The following SNTB2 variants were observed in gnomAD, a reference collection of about 807,000 sequenced individuals.
SNTB2 encodes beta-2-syntrophin.
In SNTB2, 34 loss-of-function variants were observed where a neutral mutation model predicts 46.2. The observed-to-expected ratio is 0.74, with a 90% CI of 0.56 to 0.98. The LOEUF is 0.98. SNTB2 is among the 50% of genes least tolerant of loss of function. The probability of loss-of-function intolerance (pLI) is 0.00; values close to 1 mark genes in which losing one functional copy is unlikely to be tolerated. For synonymous variants in SNTB2, 290 were observed against 312.6 expected (o/e 0.93, Z 0.76); for missense variants, 603 against 731.4 (o/e 0.82, Z 2.02).
intron 5 of SNTB2, among the ~76,000 whole-genome samples, chr16:69,294,671 T>C (rs1336967021): frequency 6.6e-6 from 1 of 151,888 alleles, no homozygotes; most frequent in Admixed American, 6.6e-5. Context: ...AGGCGGAGGT[T>C]GCAGTGAGCC....
Position 69,300,936 on chromosome 16 carries a change from T to C in SNTB2, c.*12T>C, listed in dbSNP as rs1965272913. 5.8e-6 allele frequency: 9 copies of C among 1,542,958 alleles called. No homozygotes were observed. Among genetic ancestry groups the C allele is most frequent in the East Asian group, 2.3e-5 (1 of 44,370 alleles). The stretch of plus-strand genomic sequence containing the variant: ...GACTGCTTGTATGAGCAACAAAAAA[T>C]CAGAAAAGAGCCTTGACTGTCACAA... On this transcript the variant is annotated 3_prime_UTR_variant, in exon 7 of 7. Transcript: ENST00000336278.
At chr16:69,201,240 C>G in intron 1 of SNTB2, among the ~76,000 whole-genome samples, 1 of 152,110 alleles carries the variant, frequency 6.6e-6, no homozygotes, top group Non-Finnish European at 1.5e-5. Flanking sequence ...TTGTATATTG[C>G]TAGCATTGAA....
chr16:69,202,594 G>C (rs761694925), intron 1 of SNTB2, among the ~76,000 whole-genome samples: 1 of 151,000 alleles, frequency 6.6e-6, no homozygotes, highest in Non-Finnish European at 1.5e-5. Context: ...TTATTTTTTT[G>C]AGACGACGTC....
intron 1 of SNTB2, among the ~76,000 whole-genome samples, chr16:69,243,198 C>A (rs980244466): frequency 6.6e-6 from 1 of 152,090 alleles, no homozygotes; most frequent in Non-Finnish European, 1.5e-5. Context: ...CTGAGTTGAA[C>A]TGAAAGCTCC....
chr16:69,288,412 T>C (rs1183018560), intron 5 of SNTB2, among the ~76,000 whole-genome samples: 2 of 152,246 alleles, frequency 1.3e-5, no homozygotes, highest in African/African-American at 2.4e-5. Context: ...TCGGTAATTT[T>C]ACACTTTTTT....
chr16:69,265,326 T>G (rs1374097464), intron 3 of SNTB2, among the ~76,000 whole-genome samples: 2 of 152,242 alleles, frequency 1.3e-5, no homozygotes. Context: ...ACTCTCAAAG[T>G]GCATAAAGAC....
intron 4 of SNTB2, among the ~76,000 whole-genome samples, chr16:69,272,655 G>T (rs907653424): frequency 6.6e-6 from 1 of 151,178 alleles, no homozygotes; most frequent in Non-Finnish European, 1.5e-5. Context: ...ACTTTGGGAG[G>T]CCAAGGCAGG....
chr16:69,207,807 T>C (rs1964239169), intron 1 of SNTB2, among the ~76,000 whole-genome samples: 1 of 151,686 alleles, frequency 6.6e-6, no homozygotes, highest in East Asian at 1.9e-4. Context: ...TTGAACTTCA[T>C]GTAAAAATGA....
chr16:69,262,291 GGGA>G (rs1964841277), intron 3 of SNTB2, among the ~76,000 whole-genome samples: 2 of 151,928 alleles, frequency 1.3e-5, no homozygotes, highest in Admixed American at 1.3e-4. Flanking sequence ...CAGAGGGTAG[GGGA>G]TATTTCTTTT....
At chr16:69,226,386 TA>T (rs76519163) in intron 1 of SNTB2, among the ~76,000 whole-genome samples, 502 of 128,822 alleles carry the variant, frequency 3.9e-3, no homozygotes, top group East Asian at 7.3e-3. Flanking sequence ...TTCTTAAGAG[TA>T]AAAAAAAAAA....
At chr16:69,256,331 T>A (rs1482479761) in intron 2 of SNTB2, among the ~76,000 whole-genome samples, 1 of 152,198 alleles carries the variant, frequency 6.6e-6, no homozygotes, top group African/African-American at 2.4e-5. Context: ...TAATTTTTTT[T>A]AAATTGTAAA....
chr16:69,241,275 C>T (rs1217821364), intron 1 of SNTB2, among the ~76,000 whole-genome samples: 1 of 139,646 alleles, frequency 7.2e-6, no homozygotes, highest in East Asian at 2.2e-4. Flanking sequence ...CACCTGGGTT[C>T]AAGCAATTCT....
At chr16:69,281,042 G>T (rs1049633573) in intron 4 of SNTB2, among the ~76,000 whole-genome samples, 1 of 152,090 alleles carries the variant, frequency 6.6e-6, no homozygotes, top group Non-Finnish European at 1.5e-5. Context: ...TGATCCGCCC[G>T]CCTCGGCCTC....
At chr16:69,292,249 A>G (rs573166647) in intron 5 of SNTB2, among the ~76,000 whole-genome samples, 2 of 148,718 alleles carry the variant, frequency 1.3e-5, no homozygotes, top group East Asian at 4.0e-4. Flanking sequence ...AAAAATAAAT[A>G]TAAATACATA....
chr16:69,194,751 C>T (rs1321171226), intron 1 of SNTB2, among the ~76,000 whole-genome samples: 3 of 152,080 alleles, frequency 2.0e-5, no homozygotes, highest in Non-Finnish European at 4.4e-5. Context: ...GGGCAATTTT[C>T]CTAGAACCAC....
rs747913850 is a variant in SNTB2, at chr16:69,303,530, A to G, written c.*2606A>G. 7.9e-5 allele frequency: 12 copies of G among 152,668 alleles called. No homozygotes were observed. The highest frequency in any genetic ancestry group is 7.2e-4 in the Admixed American group (11 of 15,274). 9.5% of individuals were successfully genotyped at this position (152,668 alleles called of 1,614,324 possible). A position where few individuals can be genotyped will look rare whatever the true frequency, so the allele number is the denominator to read the frequency against. The stretch of plus-strand genomic sequence containing the variant: ...TTTGGTCAAGGTTAAACTGACATGT[A>G]TAGCACTGAGGTCTGTAGGGTTCTT... On this transcript the variant is annotated 3_prime_UTR_variant, in exon 7 of 7. Transcript: ENST00000336278.
chr16:69,255,452 C>G (rs1221994279), intron 2 of SNTB2, among the ~76,000 whole-genome samples: 3 of 151,410 alleles, frequency 2.0e-5, no homozygotes, highest in Non-Finnish European at 2.9e-5. Context: ...CACAACTACT[C>G]GAGAGGCTGA....
intron 2 of SNTB2, among the ~76,000 whole-genome samples, chr16:69,248,239 T>C (rs918968278): frequency 4.6e-5 from 7 of 152,248 alleles, no homozygotes; most frequent in Admixed American, 6.5e-5. Flanking sequence ...TACTTTGTGC[T>C]ACATATAGGT....
intron 5 of SNTB2, among the ~76,000 whole-genome samples, chr16:69,292,470 T>C (rs1465771239): frequency 7.9e-6 from 1 of 127,236 alleles, no homozygotes; most frequent in Non-Finnish European, 1.6e-5. Context: ...AGACAGAGTT[T>C]TGCTCTTGTT....
Sources: gnomAD v4.1 joint callset for allele counts (sites outside exome capture counted in the v4.1 genomes callset) on GRCh38, gnomAD v4.1.1 for gene constraint, MANE v1.5 for transcripts, NCBI Gene and HGNC (gene_info 2026-07-23, HGNC 2026-07-21) for gene names.